TMEM132C: variants seen among roughly 807,000 people sequenced by gnomAD.
The protein encoded by TMEM132C is protein phosphatase 1, regulatory subunit 152.
TMEM132C carries 29 observed loss-of-function variants against 61.4 expected under a neutral mutation model. That is an observed-to-expected ratio of 0.47 (90% CI 0.35 to 0.64). The LOEUF (loss-of-function observed/expected upper bound fraction) is 0.64, where lower values mean the gene tolerates loss of function less well. TMEM132C is among the 30% of genes least tolerant of loss of function. The pLI is 0.00. For missense variants in TMEM132C, 1,408 were observed against 1,476.9 expected (o/e 0.95, Z 0.76); for synonymous variants, 656 against 633.1 (o/e 1.04, Z -0.54).
Position 128,522,090 on chromosome 12 carries a change from G to A in TMEM132C, c.975-21867G>A, listed in dbSNP as rs187598959. Among the ~76,000 whole-genome samples, 726 of 152,268 alleles carry A rather than the reference G, an allele frequency of 4.8e-3. 5 individuals are homozygous for A. The highest frequency in any genetic ancestry group is 0.016 in the African/African-American group (664 of 41,564). On this transcript the variant is annotated intron_variant, in intron 2 of 8. Transcript: ENST00000435159. The stretch of plus-strand genomic sequence containing the variant: ...TCCAGACCTAAACTTGGGACACCAC[G>A]CCTTGACACACGGCCAGAAAACAGA...
intron 1 of TMEM132C, among the ~76,000 whole-genome samples, chr12:128,315,588 A>C (rs868064067): frequency 6.6e-6 from 1 of 152,126 alleles, no homozygotes. Flanking sequence ...TCGGGAGCCT[A>C]TGGTGGCAGG....
At chr12:128,417,929 C>G (rs1166741069) in intron 2 of TMEM132C, among the ~76,000 whole-genome samples, 1 of 152,124 alleles carries the variant, frequency 6.6e-6, no homozygotes, top group Admixed American at 6.6e-5. Context: ...ATTTGTAGCA[C>G]AGAGGTTACT....
At chr12:128,626,457 A>ATTTTTTTTTATTT (rs1555237606) in intron 4 of TMEM132C, among the ~76,000 whole-genome samples, 1 of 120,010 alleles carries the variant, frequency 8.3e-6, no homozygotes, top group African/African-American at 3.7e-5. Flanking sequence ...TTTTATTTTT[A>ATTTTTTTTTATTT]TTTTTGAGAT....
chr12:128,622,357 AAAAATATATAT>A (rs1238462786), intron 4 of TMEM132C, among the ~76,000 whole-genome samples: 5 of 60,264 alleles, frequency 8.3e-5, no homozygotes, highest in African/African-American at 4.9e-4. Context: ...AAAAAAAAAA[AAAAATATATAT>A]ATATATATAT....
intron 3 of TMEM132C, among the ~76,000 whole-genome samples, chr12:128,585,967 GGT>G (rs1383433089): frequency 6.6e-6 from 1 of 152,168 alleles, no homozygotes; most frequent in Non-Finnish European, 1.5e-5. Context: ...GGAGATGGAT[GGT>G]GGTGACGGCT....
intron 2 of TMEM132C, among the ~76,000 whole-genome samples, chr12:128,499,813 C>G (rs1224186689): frequency 6.6e-6 from 1 of 152,146 alleles, no homozygotes; most frequent in Non-Finnish European, 1.5e-5. Context: ...AGCTGATTCC[C>G]TATTTTGCTT....
intron 2 of TMEM132C, among the ~76,000 whole-genome samples, chr12:128,468,290 T>C (rs1322913384): frequency 1.3e-5 from 2 of 151,314 alleles, no homozygotes; most frequent in African/African-American, 4.9e-5. Context: ...AAAGCACAAG[T>C]AAGCTATGGG....
rs1485782169 is a variant in TMEM132C at position 128,414,923 on chromosome 12, C to A, written c.277C>A (p.Pro93Thr). Reference protein sequence around the residue: ...SFFTYKTRQPPVLNASYGPFS... With the variant: ...SFFTYKTRQPTVLNASYGPFS... ...CTTTACCTACAAAACCAGGCAGCCC[C>A]CAGTGCTCAATGCCAGCTATGGACC... The change falls in exon 2 of 9, where the codon CCA (proline) becomes ACA (threonine). Residue 93 changes from proline to threonine, a missense_variant. Pro to Thr is a conservative substitution (Grantham distance 38). Transcript: ENST00000435159. 5 of 1,551,788 alleles carry A rather than the reference C, an allele frequency of 3.2e-6. No homozygotes were observed. The Admixed American group carries it at 9.8e-5, about 30-fold the overall frequency.
At chr12:128,640,339 A>C (rs1031715814) in intron 4 of TMEM132C, among the ~76,000 whole-genome samples, 1 of 152,202 alleles carries the variant, frequency 6.6e-6, no homozygotes. Context: ...CATGGATGAG[A>C]CTTGAAAACA....
intron 1 of TMEM132C, among the ~76,000 whole-genome samples, chr12:128,402,426 G>C (rs1033948328): frequency 7.9e-5 from 12 of 152,140 alleles, no homozygotes; most frequent in Non-Finnish European, 1.8e-4. Flanking sequence ...GCCCCAGTGT[G>C]TGTTGTTTCC....
Position 128,528,668 on chromosome 12 carries a change from C to T in TMEM132C, c.975-15289C>T, listed in dbSNP as rs144982113. 2.5e-3 allele frequency among the ~76,000 whole-genome samples: 380 copies of T among 152,246 alleles called. 2 individuals carry two copies. Among genetic ancestry groups the T allele is most frequent in the African/African-American group, 8.4e-3 (347 of 41,550 alleles). ...TGTAGGTTGTTTAGCAACATCACCT[C>T]CCAGCCTCCACCCGCTGAATACCGG... On this transcript the variant is annotated intron_variant, in intron 2 of 8. Transcript: ENST00000435159.
chr12:128,363,085 C>G (rs906281863), intron 1 of TMEM132C, among the ~76,000 whole-genome samples: 5 of 152,162 alleles, frequency 3.3e-5, no homozygotes, highest in African/African-American at 1.2e-4. Context: ...CAAAAGTCAA[C>G]TATAAATAGA....
At chr12:128,636,754 G>A (rs959079082) in intron 4 of TMEM132C, among the ~76,000 whole-genome samples, 4 of 152,048 alleles carry the variant, frequency 2.6e-5, no homozygotes, top group Admixed American at 2.6e-4. Flanking sequence ...CCCATTGAGC[G>A]ACATCTCTTC....
chr12:128,410,172 T>A (rs1043800977), intron 1 of TMEM132C, among the ~76,000 whole-genome samples: 2 of 151,998 alleles, frequency 1.3e-5, no homozygotes, highest in African/African-American at 4.8e-5. Flanking sequence ...CAACGAACAG[T>A]TTTATTTTGA....
chr12:128,420,870 T>C (rs1868963850), intron 2 of TMEM132C, among the ~76,000 whole-genome samples: 1 of 152,202 alleles, frequency 6.6e-6, no homozygotes, highest in Non-Finnish European at 1.5e-5. Context: ...TAAAATATAC[T>C]TTAATACTTA....
chr12:128,287,542 T>C (rs1871114550), intron 1 of TMEM132C, among the ~76,000 whole-genome samples: 1 of 152,190 alleles, frequency 6.6e-6, no homozygotes, highest in Non-Finnish European at 1.5e-5. Context: ...TGTGTGTGTC[T>C]CTAGGTGCAA....
intron 1 of TMEM132C, among the ~76,000 whole-genome samples, chr12:128,387,766 C>G (rs918005455): frequency 3.9e-5 from 6 of 152,134 alleles, no homozygotes; most frequent in Non-Finnish European, 8.8e-5. Context: ...AGAGATCACA[C>G]CATTGCACTC....
At chr12:128,356,725 T>G (rs1873517717) in intron 1 of TMEM132C, among the ~76,000 whole-genome samples, 1 of 152,234 alleles carries the variant, frequency 6.6e-6, no homozygotes, top group African/African-American at 2.4e-5. Flanking sequence ...AGCCTCTAAT[T>G]CGGTTGTAAT....
At chr12:128,425,874 A>G (rs1356941431) in intron 2 of TMEM132C, among the ~76,000 whole-genome samples, 1 of 152,182 alleles carries the variant, frequency 6.6e-6, no homozygotes, top group African/African-American at 2.4e-5. Context: ...AAGGATCCAG[A>G]AGGCTCTCAT....
Sources: allele counts gnomAD v4.1 joint callset (sites outside exome capture counted in the v4.1 genomes callset), GRCh38; gene constraint gnomAD v4.1.1; transcripts MANE v1.5; gene names NCBI Gene and HGNC (gene_info 2026-07-23, HGNC 2026-07-21).